RAD51B: variants seen among roughly 807,000 people sequenced by gnomAD.
RAD51B encodes the protein DNA repair protein RAD51 homolog 2.
A neutral mutation model predicts 42.2 loss-of-function variants in RAD51B; 38 were observed. The ratio of observed to expected loss-of-function variants is 0.90; its 90% CI spans 0.70 to 1.18. The LOEUF (loss-of-function observed/expected upper bound fraction) is 1.18. RAD51B is among the 50% of genes most tolerant of loss of function. The probability of loss-of-function intolerance (pLI) is 0.00; values close to 1 mark genes in which losing one functional copy is unlikely to be tolerated. For synonymous variants in RAD51B, 154 were observed against 145.2 expected (o/e 1.06, Z -0.43); for missense variants, 373 against 400.7 (o/e 0.93, Z 0.59).
intron 10 of RAD51B, among the ~76,000 whole-genome samples, chr14:68,500,406 CAGGTTTGCCTGTGCTTA>C (rs1344080703): frequency 2.0e-5 from 3 of 152,216 alleles, no homozygotes; most frequent in African/African-American, 7.2e-5. Context: ...ACCTTGGCCC[CAGGTTTGCCTGTGCTTA>C]AGCCACAGTA....
chr14:68,398,487 C>T (rs2083991970), intron 8 of RAD51B, among the ~76,000 whole-genome samples: 1 of 152,066 alleles, frequency 6.6e-6, no homozygotes, highest in African/African-American at 2.4e-5. Flanking sequence ...TGAGGAGGGG[C>T]CTTAATGAGG....
At chr14:68,231,757 C>G (rs1254006564) in intron 7 of RAD51B, among the ~76,000 whole-genome samples, 2 of 152,126 alleles carry the variant, frequency 1.3e-5, no homozygotes, top group Non-Finnish European at 2.9e-5. Flanking sequence ...AAGCAGAAAG[C>G]TTTGCCTAAC....
chr14:68,038,116 G>A (rs75867046), intron 7 of RAD51B, among the ~76,000 whole-genome samples: 7,130 of 152,248 alleles, frequency 0.047, 368 homozygotes, highest in African/African-American at 0.13. Flanking sequence ...ACCATTCTGT[G>A]GAATAAGCTC....
chr14:68,470,073 T>G (rs1172854988), intron 10 of RAD51B, among the ~76,000 whole-genome samples: 1 of 152,162 alleles, frequency 6.6e-6, no homozygotes, highest in Non-Finnish European at 1.5e-5. Context: ...CTGCAAGGAA[T>G]GACTTTTCGA....
At chr14:68,032,875 A>C (rs924474792) in intron 7 of RAD51B, among the ~76,000 whole-genome samples, 2 of 148,250 alleles carry the variant, frequency 1.3e-5, no homozygotes, top group African/African-American at 2.6e-5. Context: ...AGCTCTGATG[A>C]GTTTCTTTCA....
chr14:67,877,043 A>G (rs1463576549), intron 5 of RAD51B, among the ~76,000 whole-genome samples: 2 of 152,158 alleles, frequency 1.3e-5, no homozygotes, highest in Non-Finnish European at 2.9e-5. Context: ...AGTAAGGCAG[A>G]CAGTTTCCCC....
In RAD51B at chr14:68,458,885, T is replaced by C. The variant is rs556825805; in HGVS notation, c.958-9287T>C. Among the ~76,000 whole-genome samples the C allele has an allele frequency of 2.6e-5, 4 of 152,272 alleles. No homozygotes were observed. In the South Asian group the frequency reaches 6.2e-4, roughly 24 times the overall value. On this transcript the variant is annotated intron_variant, in intron 9 of 10. Transcript: ENST00000471583. Reference sequence around the variant, plus strand: ...TGTATTACTTCTACAGATCTTGCTCTTCTATTATGAGAAGGCAGTTTAGAT... The same window carrying C: ...TGTATTACTTCTACAGATCTTGCTCCTCTATTATGAGAAGGCAGTTTAGAT...
chr14:67,901,149 G>C (rs538532200), intron 7 of RAD51B, among the ~76,000 whole-genome samples: 1 of 152,190 alleles, frequency 6.6e-6, no homozygotes, highest in Non-Finnish European at 1.5e-5. Context: ...CCCAAAATGG[G>C]AGGGCTAAAG....
chr14:68,658,753 A>C (rs1029838037), intron 11 of RAD51B, among the ~76,000 whole-genome samples: 6 of 152,200 alleles, frequency 3.9e-5, no homozygotes, highest in Admixed American at 2.6e-4. Flanking sequence ...CACCATTGTC[A>C]TCACCATTTA....
intron 2 of RAD51B, among the ~76,000 whole-genome samples, chr14:67,824,993 G>C (rs962621333): frequency 6.9e-6 from 1 of 144,402 alleles, no homozygotes; most frequent in Non-Finnish European, 1.5e-5. Context: ...CAGAAGAATC[G>C]CTTGAACCCA....
At chr14:68,258,336 G>A (rs1180696594) in intron 7 of RAD51B, among the ~76,000 whole-genome samples, 1 of 151,890 alleles carries the variant, frequency 6.6e-6, no homozygotes, top group African/African-American at 2.4e-5. Flanking sequence ...GCAAGGTTGA[G>A]GTTGTAGTGA....
At chr14:68,294,518 A>G (rs2081576706) in intron 8 of RAD51B, among the ~76,000 whole-genome samples, 1 of 152,246 alleles carries the variant, frequency 6.6e-6, no homozygotes, top group Admixed American at 6.5e-5. Flanking sequence ...CATTCATTGT[A>G]TCAGCTTTGC....
At chr14:67,961,465 T>A (rs2074665100) in intron 7 of RAD51B, among the ~76,000 whole-genome samples, 1 of 152,232 alleles carries the variant, frequency 6.6e-6, no homozygotes, top group Non-Finnish European at 1.5e-5. Flanking sequence ...ATATGCTGGC[T>A]ATCAGAATGC....
At chr14:68,100,103 C>T (rs2077263519) in intron 7 of RAD51B, among the ~76,000 whole-genome samples, 1 of 152,014 alleles carries the variant, frequency 6.6e-6, no homozygotes, top group African/African-American at 2.4e-5. Flanking sequence ...TGTTAATGTA[C>T]AAATTAGAGT....
At chr14:68,274,750 T>G (rs953350342) in intron 7 of RAD51B, among the ~76,000 whole-genome samples, 2 of 152,238 alleles carry the variant, frequency 1.3e-5, no homozygotes, top group African/African-American at 4.8e-5. Context: ...AAATTGGATA[T>G]CAAATGCCCT....
chr14:68,317,465 T>C (rs886281871), intron 8 of RAD51B, among the ~76,000 whole-genome samples: 6 of 150,238 alleles, frequency 4.0e-5, no homozygotes, highest in African/African-American at 1.5e-4. Flanking sequence ...TGCCGTGTGA[T>C]GTCAGGAAGG....
At chr14:68,596,182 C>T (rs1890991365), downstream of RAD51B, among the ~76,000 whole-genome samples, 1 of 152,118 alleles carries the variant, frequency 6.6e-6, no homozygotes, top group African/African-American at 2.4e-5. Context: ...AACAACACCA[C>T]CAGGGTGAAT....
chr14:68,168,792 G>T (rs1309284365), intron 7 of RAD51B, among the ~76,000 whole-genome samples: 4 of 152,054 alleles, frequency 2.6e-5, no homozygotes, highest in Non-Finnish European at 5.9e-5. Flanking sequence ...ATAGAAATAA[G>T]ACTCTCATAT....
At chr14:68,408,967 A>AG (rs2084350596) in intron 8 of RAD51B, among the ~76,000 whole-genome samples, 1 of 152,030 alleles carries the variant, frequency 6.6e-6, no homozygotes, top group Non-Finnish European at 1.5e-5. Context: ...AAATCTATAG[A>AG]GAAAAAAAAA....
Sources: allele counts gnomAD v4.1 joint callset (sites outside exome capture counted in the v4.1 genomes callset), GRCh38; gene constraint gnomAD v4.1.1; transcripts MANE v1.5; gene names NCBI Gene and HGNC (gene_info 2026-07-23, HGNC 2026-07-21).